Variants in ADAMTS3 observed in about 807,000 individuals in gnomAD.
ADAMTS3 encodes the protein A disintegrin and metalloproteinase with thrombospondin motifs 3.
In ADAMTS3, 73 loss-of-function variants were observed where a neutral mutation model predicts 129.0. The observed-to-expected ratio is 0.57, with a 90% confidence interval of 0.47 to 0.69. The LOEUF (loss-of-function observed/expected upper bound fraction) is 0.69. ADAMTS3 is among the 30% of genes least tolerant of loss of function. The pLI, the probability that ADAMTS3 is intolerant of heterozygous loss-of-function variation, is 0.00. For synonymous variants in ADAMTS3, 477 were observed against 510.8 expected (o/e 0.93, Z 0.89); for missense variants, 1,457 against 1,514.5 (o/e 0.96, Z 0.63).
intron 2 of ADAMTS3, among the ~76,000 whole-genome samples, chr4:72,564,292 T>C (rs1185167414): frequency 1.3e-5 from 2 of 152,244 alleles, no homozygotes; most frequent in East Asian, 3.9e-4. Flanking sequence ...GATTTTCCAG[T>C]GTCTACAGAA....
chr4:72,567,344 A>G (rs1722041916), intron 2 of ADAMTS3, 30 bp downstream of exon 2: 4 of 1,595,504 alleles, frequency 2.5e-6, no homozygotes, highest in African/African-American at 3.2e-5. Flanking sequence ...TCAACTTAAG[A>G]TAAGAGTGAC....
chr4:72,540,983 T>C (rs1302463535), intron 3 of ADAMTS3, among the ~76,000 whole-genome samples: 1 of 152,140 alleles, frequency 6.6e-6, no homozygotes, highest in African/African-American at 2.4e-5. Flanking sequence ...TACCACCTAG[T>C]GGAGCTGTGA....
At chr4:72,438,599 C>T (rs1396436397) in intron 3 of ADAMTS3, among the ~76,000 whole-genome samples, 1 of 151,720 alleles carries the variant, frequency 6.6e-6, no homozygotes, top group Non-Finnish European at 1.5e-5. Context: ...TGTATATTAT[C>T]ATACCTCTCA....
At chr4:72,318,422 A>G in intron 10 of ADAMTS3, 150 bp downstream of exon 10, 1 of 734,618 alleles carries the variant, frequency 1.4e-6, no homozygotes, top group Non-Finnish European at 2.2e-6. Context: ...TATTTAAAGC[A>G]TTTAGCTGTA....
At chr4:72,333,848 CT>C (rs6148516) in intron 5 of ADAMTS3, among the ~76,000 whole-genome samples, 142 of 99,462 alleles carry the variant, frequency 1.4e-3, no homozygotes, top group Non-Finnish European at 2.2e-3. Context: ...TGTTTGCTTG[CT>C]TTTTTTTTTT....
At chr4:72,433,298 T>A (rs1722742132) in intron 3 of ADAMTS3, among the ~76,000 whole-genome samples, 1 of 151,966 alleles carries the variant, frequency 6.6e-6, no homozygotes. Flanking sequence ...TAGTTTCCTT[T>A]GTTTTCATTT....
chr4:72,426,372 C>T (rs1722574658), intron 3 of ADAMTS3, among the ~76,000 whole-genome samples: 1 of 152,032 alleles, frequency 6.6e-6, no homozygotes, highest in South Asian at 2.1e-4. Context: ...GCTTTTGTTG[C>T]CATTGTTTTT....
chr4:72,460,929 T>C (rs958324093), intron 3 of ADAMTS3, among the ~76,000 whole-genome samples: 3 of 151,670 alleles, frequency 2.0e-5, no homozygotes, highest in Non-Finnish European at 4.4e-5. Context: ...CTATAGATGG[T>C]TACCTCATTA....
chr4:72,516,074 C>T (rs1191641889), intron 3 of ADAMTS3, among the ~76,000 whole-genome samples: 3 of 152,152 alleles, frequency 2.0e-5, no homozygotes, highest in Admixed American at 2.0e-4. Flanking sequence ...GTTTTCCCAG[C>T]ACCATTTATT....
chr4:72,332,337 C>T (rs765990802), intron 5 of ADAMTS3, among the ~76,000 whole-genome samples: 1 of 152,132 alleles, frequency 6.6e-6, no homozygotes, highest in Non-Finnish European at 1.5e-5. Flanking sequence ...TTTTAAGGAC[C>T]AGGGTACGGC....
chr4:72,298,249 T>C, intron 18 of ADAMTS3, 28 bp downstream of exon 18: 2 of 1,586,882 alleles, frequency 1.3e-6, no homozygotes, highest in South Asian at 1.1e-5. Context: ...CATTACATTT[T>C]AATATAATAA....
chr4:72,302,676 C>CA, intron 17 of ADAMTS3, among the ~76,000 whole-genome samples: 1 of 152,102 alleles, frequency 6.6e-6, no homozygotes, highest in East Asian at 1.9e-4. Flanking sequence ...AAGCATAAGA[C>CA]ATACAAAGAA....
At position 72,298,372 on chromosome 4, in the gene ADAMTS3, G is replaced by A; in HGVS notation, c.2495C>T (p.Pro832Leu). The A allele has an allele frequency of 6.2e-7, 1 of 1,613,030 alleles. No individual in the cohort carries two copies. Reference sequence around the variant, plus strand: ...GATGACATTGTTGCTGTTGATTGTAGGTACAGAGTCTTCATGGATGATGTA... The same window carrying A: ...GATGACATTGTTGCTGTTGATTGTAAGTACAGAGTCTTCATGGATGATGTA... ...YKYIIHEDSVPTINSNNVIQE... is the reference protein window; with the variant it reads ...YKYIIHEDSVLTINSNNVIQE... Residue 832 changes from proline (P) to leucine (L), a missense_variant, in exon 18 of 22, where the codon CCT becomes CTT. By Grantham distance (98) the Pro-to-Leu change is moderately conservative. Coordinates refer to ENST00000286657, the MANE Select transcript of ADAMTS3 (RefSeq NM_014243.3).
At chr4:72,296,280 A>T (rs933012736) in intron 18 of ADAMTS3, among the ~76,000 whole-genome samples, 7 of 151,960 alleles carry the variant, frequency 4.6e-5, no homozygotes, top group Non-Finnish European at 1.0e-4. Context: ...AAGCAAAGGA[A>T]ATAACGTGTG....
At chr4:72,455,428 A>C (rs1358813176) in intron 3 of ADAMTS3, among the ~76,000 whole-genome samples, 1 of 151,456 alleles carries the variant, frequency 6.6e-6, no homozygotes, top group Admixed American at 6.6e-5. Context: ...GAACAATGAG[A>C]ACATATGGAC....
chr4:72,392,165 T>A (rs1165496386), intron 4 of ADAMTS3, among the ~76,000 whole-genome samples: 1 of 152,070 alleles, frequency 6.6e-6, no homozygotes, highest in Non-Finnish European at 1.5e-5. Context: ...GGACCAGAAC[T>A]CATATTCCCT....
chr4:72,435,326 T>A (rs1722794979), intron 3 of ADAMTS3, among the ~76,000 whole-genome samples: 1 of 151,692 alleles, frequency 6.6e-6, no homozygotes. Context: ...TTTTTAGGGC[T>A]ACAAATAAAT....
intron 5 of ADAMTS3, among the ~76,000 whole-genome samples, chr4:72,330,147 A>T (rs148770903): frequency 0.036 from 5,388 of 151,748 alleles, 313 homozygotes; most frequent in African/African-American, 0.12. Flanking sequence ...GCCTCCCGAG[A>T]AGCTGGGATT....
At chr4:72,494,771 G>A (rs1719835322) in intron 3 of ADAMTS3, among the ~76,000 whole-genome samples, 2 of 152,178 alleles carry the variant, frequency 1.3e-5, no homozygotes, top group Non-Finnish European at 2.9e-5. Context: ...TGGGTAGGGT[G>A]TGACAGCTTT....
Sources: gnomAD v4.1 joint callset for allele counts (sites outside exome capture counted in the v4.1 genomes callset) on GRCh38, gnomAD v4.1.1 for gene constraint, MANE v1.5 for transcripts, NCBI Gene and HGNC (gene_info 2026-07-23, HGNC 2026-07-21) for gene names.